FRMPD4: variants seen among roughly 807,000 people sequenced by gnomAD.
FRMPD4 encodes the protein FERM and PDZ domain-containing protein 4.
A neutral mutation model predicts 94.1 loss-of-function variants in FRMPD4; 22 were observed. The observed-to-expected ratio is 0.23, with a 90% confidence interval of 0.17 to 0.33. The LOEUF is 0.33. Among genes scored for constraint, FRMPD4 ranks in the 10% least tolerant of loss-of-function variants. The pLI, the probability that FRMPD4 is intolerant of heterozygous loss-of-function variation, is 1.00. For synonymous variants in FRMPD4, 631 were observed against 548.6 expected, an observed-to-expected ratio of 1.15 and a Z score of -2.10; for missense variants, 1,111 against 1,339.9, an observed-to-expected ratio of 0.83 and a Z score of 2.67.
chrX:12,167,498 C>T (rs991211722), intron 1 of FRMPD4, among the ~76,000 whole-genome samples: 3 of 111,084 alleles, frequency 2.7e-5, no homozygotes, highest in Non-Finnish European at 5.7e-5. Context: ...CTAGTTTTCT[C>T]GGATGGTGGG....
chrX:12,229,493 T>C (rs1440348557), intron 1 of FRMPD4, among the ~76,000 whole-genome samples: 1 of 111,937 alleles, frequency 8.9e-6, no homozygotes, highest in Non-Finnish European at 1.9e-5. Flanking sequence ...ATCTCTTCCC[T>C]TCTGCACATT....
intron 2 of FRMPD4, among the ~76,000 whole-genome samples, chrX:12,604,845 G>A (rs1467842915): frequency 2.7e-5 from 3 of 111,144 alleles, no homozygotes; most frequent in Non-Finnish European, 5.7e-5. Flanking sequence ...GCCCCCGTGT[G>A]TGTCGTTCCC....
intron 4 of FRMPD4, among the ~76,000 whole-genome samples, chrX:12,641,217 G>C (rs1348573438): frequency 1.8e-5 from 2 of 111,236 alleles, no homozygotes; most frequent in East Asian, 5.6e-4. Context: ...TGGAAGAAAA[G>C]GAGGGCAAAC....
At chrX:12,258,544 C>T (rs961552781) in intron 1 of FRMPD4, among the ~76,000 whole-genome samples, 1 of 111,273 alleles carries the variant, frequency 9.0e-6, no homozygotes, top group East Asian at 2.8e-4. Context: ...TACCCAGTCT[C>T]AGGTATTCTG....
At chrX:12,101,144 A>G (rs1373293964) in intron 3 of FRMPD4, among the ~76,000 whole-genome samples, 8 of 111,377 alleles carry the variant, frequency 7.2e-5, no homozygotes, top group Non-Finnish European at 1.5e-4. Flanking sequence ...GTGTTTCTGT[A>G]GATGCTCATC....
At chrX:12,010,585 A>C (rs1214350907) in intron 3 of FRMPD4, among the ~76,000 whole-genome samples, 1 of 112,121 alleles carries the variant, frequency 8.9e-6, no homozygotes, top group Non-Finnish European at 1.9e-5. Flanking sequence ...AAAAGCAGCC[A>C]TAGTCAAAAT....
intron 4 of FRMPD4, among the ~76,000 whole-genome samples, chrX:12,631,877 A>G (rs1181437405): frequency 1.8e-5 from 2 of 111,746 alleles, no homozygotes; most frequent in Non-Finnish European, 3.8e-5. Flanking sequence ...TAAATTGTTC[A>G]AATTACTATT....
rs759241644 is a variant in FRMPD4, at chrX:12,543,645, T to C, written c.158+44849T>C. On this transcript the variant is annotated intron_variant, in intron 2 of 16. Transcript: ENST00000675598. ...CACTTTTACACTGTTGGTGGGACTG[T>C]CAACTAGTTCAACCATTGTGGAAGA... Among the ~76,000 whole-genome samples the C allele has an allele frequency of 7.1e-5, 8 of 111,968 alleles. No homozygotes were observed. The East Asian group carries it at 1.4e-3, about 20-fold the overall frequency.
chrX:12,094,070 G>T (rs2055178212), intron 3 of FRMPD4, among the ~76,000 whole-genome samples: 1 of 112,207 alleles, frequency 8.9e-6, no homozygotes, highest in Admixed American at 9.4e-5. Flanking sequence ...AGTGGCCATT[G>T]TCTTCTGGGA....
At chrX:12,642,472 G>A (rs898200880) in intron 4 of FRMPD4, among the ~76,000 whole-genome samples, 3 of 112,355 alleles carry the variant, frequency 2.7e-5, no homozygotes, top group Non-Finnish European at 5.6e-5. Context: ...GCCAGCCAAG[G>A]GGAAAGAGGT....
rs1244568891 is a variant in FRMPD4, at chrX:12,320,415, G to A, written c.42-178265G>A. On this transcript the variant is annotated intron_variant, in intron 1 of 16. Transcript: ENST00000675598. Reference sequence around the variant, plus strand: ...CTGGTGCAGGAGAGTAAAAATGCAAGTCTCTAAACCCCAGCAGTCTACATC... The same window carrying A: ...CTGGTGCAGGAGAGTAAAAATGCAAATCTCTAAACCCCAGCAGTCTACATC... 3.6e-5 allele frequency among the ~76,000 whole-genome samples: 4 copies of A among 111,365 alleles called. No individual in the cohort carries two copies. The East Asian group carries it at 1.1e-3, about 31-fold the overall frequency.
chrX:11,871,342 C>A (rs2053755557), intron 2 of FRMPD4, among the ~76,000 whole-genome samples: 1 of 111,899 alleles, frequency 8.9e-6, no homozygotes, highest in Non-Finnish European at 1.9e-5. Context: ...AACTGAAGAC[C>A]AGCCCCAAAC....
intron 3 of FRMPD4, among the ~76,000 whole-genome samples, chrX:11,969,897 G>T (rs1413969618): frequency 1.8e-5 from 2 of 110,899 alleles, no homozygotes; most frequent in Admixed American, 1.9e-4. Flanking sequence ...ACTCCCACCA[G>T]CTCTCATGGG....
rs5901462 is a variant in FRMPD4, at chrX:12,144,440, ATT to A, written c.41+5440_41+5441del. On this transcript the variant is annotated intron_variant, in intron 1 of 16. Coordinates refer to ENST00000675598, the MANE Select transcript of FRMPD4 (RefSeq NM_001368397.1). ...TTTAGATAACAAAGTTAACATTCCC[ATT>A]TTTTTTTTTTTCCTGGCAAAGAGAT... Among the ~76,000 whole-genome samples the A allele has an allele frequency of 4.2e-3, 421 of 101,293 alleles. 4 individuals are homozygous for A. Among genetic ancestry groups the A allele is most frequent in the African/African-American group, 0.013 (381 of 28,366 alleles). The allele number at this position is 101,293 out of a possible 115,157, so 88.0% of individuals were successfully genotyped here.
chrX:12,690,453 G>A (rs1258259490), intron 8 of FRMPD4, 127 bp downstream of exon 8: 2 of 539,097 alleles, frequency 3.7e-6, no homozygotes, highest in East Asian at 7.3e-5. Context: ...CTCTGTAAAG[G>A]AAGTGCTGGC....
chrX:12,165,901 G>A (rs139137849), intron 1 of FRMPD4, among the ~76,000 whole-genome samples: 26,204 of 109,980 alleles, frequency 0.24, 3,282 homozygotes, highest in East Asian at 0.6. Flanking sequence ...CATTGATTTT[G>A]TATCCTGAGA....
chrX:12,537,444 T>C (rs1265449895), intron 2 of FRMPD4, among the ~76,000 whole-genome samples: 2 of 102,122 alleles, frequency 2.0e-5, no homozygotes, highest in African/African-American at 3.7e-5. Flanking sequence ...ACAATATATA[T>C]TTTTTTTTTC....
At chrX:11,841,302 G>T (rs1245711618) in intron 1 of FRMPD4, among the ~76,000 whole-genome samples, 1 of 110,637 alleles carries the variant, frequency 9.0e-6, no homozygotes, top group Non-Finnish European at 1.9e-5. Flanking sequence ...TCTAGTTCTA[G>T]GTCCCTGAGG....
intron 2 of FRMPD4, among the ~76,000 whole-genome samples, chrX:12,597,422 G>A (rs2059042138): frequency 8.9e-6 from 1 of 112,083 alleles, no homozygotes; most frequent in African/African-American, 3.2e-5. Context: ...AGTCCTTGAA[G>A]GATAAATTTG....
Sources: allele counts gnomAD v4.1 joint callset (sites outside exome capture counted in the v4.1 genomes callset), GRCh38; gene constraint gnomAD v4.1.1; transcripts MANE v1.5; gene names NCBI Gene and HGNC (gene_info 2026-07-23, HGNC 2026-07-21).